Variants in CDK19 observed in about 807,000 individuals in gnomAD.
CDK19 encodes cyclin-dependent kinase 19.
A neutral mutation model predicts 68.3 loss-of-function variants in CDK19; 20 were observed. The observed-to-expected ratio is 0.29, with a 90% CI of 0.21 to 0.43. The LOEUF is 0.43. CDK19 is among the 20% of genes least tolerant of loss of function. The pLI is 1.00. For missense variants in CDK19, 339 were observed against 623.5 expected, an observed-to-expected ratio of 0.54 and a Z score of 4.86; for synonymous variants, 221 against 222.8, an observed-to-expected ratio of 0.99 and a Z score of 0.07.
At position 110,638,666 on chromosome 6, in the gene CDK19, C is replaced by A; in HGVS notation, c.497G>T (p.Arg166Met). ...NILVMGEGPE[R>M]GRVKIADMGF... The stretch of plus-strand genomic sequence containing the variant: ...TTACCTACCTATTTTGACTCTCCCC[C>A]TCTCAGGACCTTCTCCCATTACTAG... Residue 166 changes from arginine to methionine, a missense_variant, in exon 5 of 13, where the codon AGG (arginine) becomes ATG (methionine). By Grantham distance (91) the Arg-to-Met change is moderately conservative. This residue lies in a region of CDK19 where 120 missense variants were observed against 224.0 expected (regional missense o/e 0.54). Coordinates refer to ENST00000368911, the MANE Select transcript of CDK19 (RefSeq NM_015076.5). 6.5e-7 allele frequency: 1 copy of A among 1,537,338 alleles called. No individual in the cohort carries two copies. The highest frequency in any genetic ancestry group is 9.0e-7 in the Non-Finnish European group (1 of 1,113,156).
chr6:110,701,408 C>T (rs533192098), intron 2 of CDK19, among the ~76,000 whole-genome samples: 155 of 150,088 alleles, frequency 1.0e-3, no homozygotes, highest in Admixed American at 5.0e-3. Context: ...AAAAATTAGC[C>T]GAGCATGGTG....
At chr6:110,802,927 T>C (rs1231563657) in intron 1 of CDK19, among the ~76,000 whole-genome samples, 4 of 152,098 alleles carry the variant, frequency 2.6e-5, no homozygotes, top group African/African-American at 9.7e-5. Context: ...AGTTGATAAA[T>C]CAAGAAGCAG....
rs1377153626 is a variant in CDK19 at position 110,748,916 on chromosome 6, C to G, written c.129-2715G>C. On this transcript the variant is annotated intron_variant, in intron 1 of 12. Transcript: ENST00000368911. ...ATGACAAAGCTGAAAAGCAGGTGAA[C>G]CTGCCTAGCCTACACTGCTATGATA... is the stretch of plus-strand genomic sequence containing the variant. Among the ~76,000 whole-genome samples, 7 of 152,150 alleles carry G rather than the reference C, an allele frequency of 4.6e-5. No homozygotes were observed. The East Asian group carries it at 1.3e-3, about 29-fold the overall frequency.
intron 1 of CDK19, among the ~76,000 whole-genome samples, chr6:110,764,960 T>TAAATAAATAAATAAATAAAC (rs1779472838): frequency 6.7e-6 from 1 of 148,862 alleles, no homozygotes; most frequent in African/African-American, 2.5e-5. Context: ...CAAAAATAAA[T>TAAATAAATAAATAAATAAAC]AAATAAATAA....
intron 2 of CDK19, among the ~76,000 whole-genome samples, chr6:110,716,024 G>A (rs1436812008): frequency 6.7e-6 from 1 of 149,106 alleles, no homozygotes; most frequent in Admixed American, 7.0e-5. Context: ...GTGTAACAAT[G>A]CTAATTATGT....
At chr6:110,648,133 C>A (rs1189468768) in intron 4 of CDK19, among the ~76,000 whole-genome samples, 1 of 152,100 alleles carries the variant, frequency 6.6e-6, no homozygotes, top group Non-Finnish European at 1.5e-5. Flanking sequence ...AGAAGTATTT[C>A]CTTTAAAATC....
intron 2 of CDK19, among the ~76,000 whole-genome samples, chr6:110,742,336 C>T (rs893305086): frequency 6.6e-6 from 1 of 152,158 alleles, no homozygotes; most frequent in Non-Finnish European, 1.5e-5. Context: ...ATCTCTTAAT[C>T]CCGTTATCTT....
Position 110,773,383 on chromosome 6 carries a change from T to C in CDK19, c.129-27182A>G, listed in dbSNP as rs142576926. Among the ~76,000 whole-genome samples the C allele has an allele frequency of 1.6e-3, 245 of 150,924 alleles. 1 individual carries two copies. Among genetic ancestry groups the C allele is most frequent in the African/African-American group, 5.8e-3 (238 of 41,340 alleles). On this transcript the variant is annotated intron_variant, in intron 1 of 12. Coordinates refer to ENST00000368911, the MANE Select transcript of CDK19 (RefSeq NM_015076.5). ...AACAAGTTATCAAGAGACAGGTAACTAGCATATTGGAAACTAACATTTCTG... is the reference window on the plus strand; with the variant it reads ...AACAAGTTATCAAGAGACAGGTAACCAGCATATTGGAAACTAACATTTCTG...
At chr6:110,718,259 T>G (rs1320930736) in intron 2 of CDK19, among the ~76,000 whole-genome samples, 1 of 152,104 alleles carries the variant, frequency 6.6e-6, no homozygotes, top group Admixed American at 6.6e-5. Flanking sequence ...CCAGGAGGAT[T>G]TGAAATTTGG....
chr6:110,656,426 C>G (rs1274802750), intron 4 of CDK19, among the ~76,000 whole-genome samples: 1 of 152,188 alleles, frequency 6.6e-6, no homozygotes, highest in Non-Finnish European at 1.5e-5. Flanking sequence ...ACACTATAGG[C>G]TAAATAGGTC....
chr6:110,775,107 T>G (rs1022779740), intron 1 of CDK19, among the ~76,000 whole-genome samples: 1 of 151,908 alleles, frequency 6.6e-6, no homozygotes, highest in African/African-American at 2.4e-5. Flanking sequence ...TAGCTGGGTG[T>G]GGTGGCATGC....
chr6:110,726,173 G>A (rs1776300807), intron 2 of CDK19, among the ~76,000 whole-genome samples: 1 of 152,128 alleles, frequency 6.6e-6, no homozygotes, highest in Non-Finnish European at 1.5e-5. Flanking sequence ...TGATGCAACT[G>A]TTATAATCAT....
At chr6:110,738,004 T>G (rs1478679265) in intron 2 of CDK19, among the ~76,000 whole-genome samples, 1 of 152,094 alleles carries the variant, frequency 6.6e-6, no homozygotes, top group Non-Finnish European at 1.5e-5. Context: ...TTAAAGAAAA[T>G]AACTGTTACA....
At chr6:110,632,815 T>G (rs901908907) in intron 5 of CDK19, among the ~76,000 whole-genome samples, 2 of 152,212 alleles carry the variant, frequency 1.3e-5, no homozygotes, top group Non-Finnish European at 2.9e-5. Context: ...AGGTCTGACT[T>G]TAGATTCCTG....
rs138142067 is a variant in CDK19, at chr6:110,787,871, G to A, written c.128+27138C>T. 5.3e-3 allele frequency among the ~76,000 whole-genome samples: 799 copies of A among 151,658 alleles called. 5 individuals are homozygous for A. The highest frequency in any genetic ancestry group is 0.019 in the African/African-American group (775 of 41,336). Reference sequence around the variant, plus strand: ...TTGTTTCGTTTTGAGACGTAGTCTCGCTCTGTTGCCCAGGCTGGAGTGCAG... The same window carrying A: ...TTGTTTCGTTTTGAGACGTAGTCTCACTCTGTTGCCCAGGCTGGAGTGCAG... On this transcript the variant is annotated intron_variant, in intron 1 of 12. Transcript: ENST00000368911.
intron 1 of CDK19, among the ~76,000 whole-genome samples, chr6:110,750,304 C>G (rs1403781665): frequency 9.1e-6 from 1 of 109,922 alleles, no homozygotes; most frequent in Admixed American, 8.0e-5. Flanking sequence ...TAAGACAATC[C>G]TGTATAATCT....
chr6:110,674,817 A>G (rs1582834676), intron 2 of CDK19, among the ~76,000 whole-genome samples: 1 of 151,596 alleles, frequency 6.6e-6, no homozygotes, highest in Non-Finnish European at 1.5e-5. Context: ...CAGGAGAATC[A>G]CTTGAACCCA....
intron 1 of CDK19, among the ~76,000 whole-genome samples, chr6:110,781,770 G>C (rs748657931): frequency 4.6e-5 from 7 of 151,882 alleles, no homozygotes; most frequent in Non-Finnish European, 8.8e-5. Context: ...CTTGAGCTCA[G>C]GAGGTGGAAG....
At chr6:110,640,659 T>C (rs1459524041) in intron 4 of CDK19, among the ~76,000 whole-genome samples, 2 of 151,882 alleles carry the variant, frequency 1.3e-5, no homozygotes, top group Non-Finnish European at 2.9e-5. Flanking sequence ...ACATATTGAG[T>C]TTGAAAAATG....
Sources: gnomAD v4.1 joint callset for allele counts (sites outside exome capture counted in the v4.1 genomes callset) on GRCh38, gnomAD v4.1.1 for gene constraint, gnomAD v4.1.1 regional missense constraint, MANE v1.5 for transcripts, NCBI Gene and HGNC (gene_info 2026-07-23, HGNC 2026-07-21) for gene names.